The following DYNC2I1 variants were observed in gnomAD, a reference collection of about 807,000 sequenced individuals.
DYNC2I1 encodes cytoplasmic dynein 2 intermediate chain 1.
A neutral mutation model predicts 133.4 loss-of-function variants in DYNC2I1; 89 were observed. The observed-to-expected ratio is 0.67, with a 90% CI of 0.56 to 0.80. The LOEUF (loss-of-function observed/expected upper bound fraction) is 0.80, where lower values mean the gene tolerates loss of function less well. DYNC2I1 is among the 30% of genes least tolerant of loss of function. DYNC2I1 has a pLI of 0.00. For synonymous variants in DYNC2I1, 504 were observed against 484.3 expected (o/e 1.04, Z -0.54); for missense variants, 1,291 against 1,314.5 (o/e 0.98, Z 0.28).
At chr7:158,864,119 GT>G (rs1842185444) in intron 1 of DYNC2I1, among the ~76,000 whole-genome samples, 1 of 147,210 alleles carries the variant, frequency 6.8e-6, no homozygotes, top group African/African-American at 2.6e-5. Flanking sequence ...AGCTCCGGGT[GT>G]GGGGGGGGGA....
At chr7:158,934,630 G>GA in intron 23 of DYNC2I1, 81 bp downstream of exon 23, 1 of 1,417,100 alleles carries the variant, frequency 7.1e-7, no homozygotes, top group South Asian at 1.4e-5. Flanking sequence ...ACCCAAGCTG[G>GA]AGTGCAGTGA....
In DYNC2I1 at chr7:158,856,605, G is replaced by T; in HGVS notation, c.-131G>T. 4 of 967,182 alleles carry T rather than the reference G, an allele frequency of 4.1e-6. No homozygotes were observed. The highest frequency in any genetic ancestry group is 5.4e-6 in the Non-Finnish European group (4 of 747,582). The allele number at this position is 967,182 out of a possible 1,614,324, so 59.9% of individuals were successfully genotyped here. A position where few individuals can be genotyped will look rare whatever the true frequency, so the allele number is the denominator to read the frequency against. ...GGGCAGTGCTTCTGGGCCCTCTGCT[G>T]CTCCTGCTTGTCGGTTGCTAGGCGC... is the stretch of plus-strand genomic sequence containing the variant. On this transcript the variant is annotated 5_prime_UTR_variant, in exon 1 of 25. Coordinates refer to ENST00000407559, the MANE Select transcript of DYNC2I1 (RefSeq NM_018051.5).
intron 1 of DYNC2I1, among the ~76,000 whole-genome samples, chr7:158,861,206 T>C (rs1299797400): frequency 6.6e-6 from 1 of 152,246 alleles, no homozygotes; most frequent in African/African-American, 2.4e-5. Context: ...CCTTTTGAGA[T>C]GTCTCTAAAT....
chr7:158,839,664 A>G, the DYNC2I1 span, among the ~76,000 whole-genome samples: 1 of 152,082 alleles, frequency 6.6e-6, no homozygotes. Flanking sequence ...CTAAAAATAC[A>G]AAAAAATTAG....
At chr7:158,873,175 A>G (rs6961032) in intron 3 of DYNC2I1, among the ~76,000 whole-genome samples, 2,591 of 152,314 alleles carry the variant, frequency 0.017, 75 homozygotes, top group African/African-American at 0.058. Flanking sequence ...GTAAAGGTAC[A>G]TACTTTTTTT....
chr7:158,956,900 C>T (rs1852212710), downstream of DYNC2I1, among the ~76,000 whole-genome samples: 1 of 152,168 alleles, frequency 6.6e-6, no homozygotes, highest in Non-Finnish European at 1.5e-5. Flanking sequence ...CTCTGTGGTT[C>T]GAGCAAGCGT....
At chr7:158,924,811 G>C (rs1849456574) in intron 17 of DYNC2I1, among the ~76,000 whole-genome samples, 1 of 151,920 alleles carries the variant, frequency 6.6e-6, no homozygotes, top group Non-Finnish European at 1.5e-5. Context: ...CTGGAGTACA[G>C]TGGCACGATC....
intron 3 of DYNC2I1, among the ~76,000 whole-genome samples, chr7:158,874,517 G>C (rs1843175951): frequency 6.6e-6 from 1 of 152,044 alleles, no homozygotes; most frequent in Non-Finnish European, 1.5e-5. Flanking sequence ...CATTTTTTCA[G>C]TGTGGTGTTG....
At chr7:158,859,259 A>G (rs989656953) in intron 1 of DYNC2I1, among the ~76,000 whole-genome samples, 1 of 151,968 alleles carries the variant, frequency 6.6e-6, no homozygotes, top group Non-Finnish European at 1.5e-5. Context: ...AGTTTGGCTT[A>G]GCATAGAATT....
intron 14 of DYNC2I1, among the ~76,000 whole-genome samples, chr7:158,917,777 C>G (rs1848622118): frequency 6.6e-6 from 1 of 152,188 alleles, no homozygotes; most frequent in Admixed American, 6.6e-5. Flanking sequence ...CCTGTCATTT[C>G]TCACTTCAAA....
In DYNC2I1 at chr7:158,863,159, C is replaced by T. The variant is rs28592979; in HGVS notation, c.15+6409C>T. On this transcript the variant is annotated intron_variant, in intron 1 of 24. Transcript: ENST00000407559. Reference sequence around the variant, plus strand: ...GGCCAGCTTTTATTCCCTTATTTGGCCCTGCCCACATCGTGGTGCGTTTAC... The same window carrying T: ...GGCCAGCTTTTATTCCCTTATTTGGTCCTGCCCACATCGTGGTGCGTTTAC... 3.5e-3 allele frequency among the ~76,000 whole-genome samples: 529 copies of T among 151,974 alleles called. 9 individuals carry two copies. The highest frequency in any genetic ancestry group is 0.012 in the African/African-American group (477 of 41,416).
chr7:158,872,166 AT>A (rs1456833645), intron 3 of DYNC2I1, among the ~76,000 whole-genome samples: 1 of 151,944 alleles, frequency 6.6e-6, no homozygotes, highest in African/African-American at 2.4e-5. Context: ...AAATAAAAAA[AT>A]TAGCTGTGTG....
intron 1 of DYNC2I1, among the ~76,000 whole-genome samples, chr7:158,860,813 A>G (rs916926974): frequency 6.6e-6 from 1 of 152,082 alleles, no homozygotes; most frequent in East Asian, 1.9e-4. Flanking sequence ...TTCATGTGAG[A>G]TATGTACTAG....
chr7:158,924,532 T>C (rs2129486785), intron 17 of DYNC2I1, among the ~76,000 whole-genome samples: 1 of 152,378 alleles, frequency 6.6e-6, no homozygotes. Context: ...CCATGAATTG[T>C]GCCCCTCTGT....
At chr7:158,905,918 A>T in intron 10 of DYNC2I1, 71 bp from the exon 11 acceptor site, 1 of 1,178,206 alleles carries the variant, frequency 8.5e-7, no homozygotes, top group Non-Finnish European at 1.2e-6. Flanking sequence ...TAATTGTTTT[A>T]CTCCAGATAT....
At chr7:158,913,184 T>C in intron 13 of DYNC2I1, 88 bp downstream of exon 13, 1 of 1,027,028 alleles carries the variant, frequency 9.7e-7, no homozygotes, top group East Asian at 2.8e-5. Flanking sequence ...TGGTTCACTT[T>C]CATTTTGTCT....
At chr7:158,900,552 T>C (rs927880707) in intron 8 of DYNC2I1, among the ~76,000 whole-genome samples, 3 of 151,954 alleles carry the variant, frequency 2.0e-5, no homozygotes, top group African/African-American at 4.8e-5. Flanking sequence ...TGTTTTGATA[T>C]TGATCTTGGT....
intron 4 of DYNC2I1, among the ~76,000 whole-genome samples, chr7:158,952,714 C>G (rs891278986): frequency 2.0e-5 from 3 of 151,652 alleles, no homozygotes; most frequent in Admixed American, 2.0e-4. Flanking sequence ...CCAGCCGCAT[C>G]GTAAGACAGA....
intron 24 of DYNC2I1, among the ~76,000 whole-genome samples, chr7:158,944,703 G>T (rs1033108223): frequency 3.9e-5 from 6 of 152,158 alleles, no homozygotes; most frequent in Non-Finnish European, 8.8e-5. Flanking sequence ...AGTGACAAGG[G>T]CAGGGACCCT....
Sources: allele counts gnomAD v4.1 joint callset (sites outside exome capture counted in the v4.1 genomes callset), GRCh38; gene constraint gnomAD v4.1.1; transcripts MANE v1.5; gene names NCBI Gene and HGNC (gene_info 2026-07-23, HGNC 2026-07-21).